The following MORC3 variants were observed in gnomAD, a reference collection of about 807,000 sequenced individuals.
MORC3 encodes the protein MORC family CW-type zinc finger 3.
A neutral mutation model predicts 109.1 loss-of-function variants in MORC3; 31 were observed. That is an observed-to-expected ratio of 0.28 (90% CI 0.21 to 0.38). MORC3 has a LOEUF of 0.38. Ranked by LOEUF, MORC3 falls within the 10% of genes least tolerant of loss-of-function variation. The pLI is 1.00. For synonymous variants in MORC3, 395 were observed against 380.7 expected, an observed-to-expected ratio of 1.04 and a Z score of -0.44; for missense variants, 867 against 1,135.8, an observed-to-expected ratio of 0.76 and a Z score of 3.40.
At chr21:36,350,702 A>G (rs904967665) in intron 9 of MORC3, among the ~76,000 whole-genome samples, 8 of 152,174 alleles carry the variant, frequency 5.3e-5, no homozygotes, top group African/African-American at 1.9e-4. Context: ...ATGAAACATT[A>G]AGCAGATAGC....
chr21:36,372,609 C>A, intron 16 of MORC3, 78 bp downstream of exon 16: 1 of 1,352,188 alleles, frequency 7.4e-7, no homozygotes, highest in Non-Finnish European at 9.8e-7. Flanking sequence ...TAGCACCCAT[C>A]AAATAGATAC....
intron 9 of MORC3, among the ~76,000 whole-genome samples, chr21:36,354,340 T>C (rs1408627896): frequency 1.3e-5 from 2 of 148,718 alleles, no homozygotes; most frequent in Non-Finnish European, 3.0e-5. Flanking sequence ...TTTTTTTTTT[T>C]TGAGATGGAG....
chr21:36,367,367 A>G (rs1010146631), intron 14 of MORC3, among the ~76,000 whole-genome samples: 12 of 152,196 alleles, frequency 7.9e-5, no homozygotes. Flanking sequence ...TCTTAGGTAT[A>G]CGCAGATCGC....
chr21:36,355,886 T>C (rs1264176949), intron 9 of MORC3, among the ~76,000 whole-genome samples: 1 of 152,192 alleles, frequency 6.6e-6, no homozygotes, highest in East Asian at 1.9e-4. Flanking sequence ...TTTATACTTT[T>C]TCTTATATTA....
chr21:36,324,747 GC>G (rs2085230842), intron 1 of MORC3, among the ~76,000 whole-genome samples: 1 of 124,876 alleles, frequency 8.0e-6, no homozygotes, highest in African/African-American at 3.1e-5. Context: ...CACTCTTGTT[GC>G]CCAGGCTGGA....
At chr21:36,328,341 C>G (rs1034238744) in intron 1 of MORC3, among the ~76,000 whole-genome samples, 2 of 145,198 alleles carry the variant, frequency 1.4e-5, no homozygotes, top group Non-Finnish European at 3.0e-5. Flanking sequence ...CCCCCCCCCG[C>G]CTTTTTTTTT....
chr21:36,363,668 G>A (rs1201054702), intron 13 of MORC3, among the ~76,000 whole-genome samples: 1 of 152,184 alleles, frequency 6.6e-6, no homozygotes, highest in African/African-American at 2.4e-5. Flanking sequence ...TGCTGAATGG[G>A]TATTGCTTTT....
intron 9 of MORC3, among the ~76,000 whole-genome samples, chr21:36,353,616 G>C (rs1410025355): frequency 3.3e-5 from 5 of 151,594 alleles, no homozygotes; most frequent in African/African-American, 9.7e-5. Flanking sequence ...GTCTTGCTCT[G>C]TCATCCAGTC....
At chr21:36,355,103 A>G (rs1326736754) in intron 9 of MORC3, among the ~76,000 whole-genome samples, 1 of 152,084 alleles carries the variant, frequency 6.6e-6, no homozygotes, top group African/African-American at 2.4e-5. Flanking sequence ...GACTTTCATG[A>G]TGTTTTCTCT....
At chr21:36,338,689 C>T in intron 4 of MORC3, 85 bp from the exon 5 acceptor site, 2 of 1,198,014 alleles carry the variant, frequency 1.7e-6, no homozygotes. Flanking sequence ...AATAGTTTTT[C>T]TGTTATTTAA....
intron 8 of MORC3, among the ~76,000 whole-genome samples, chr21:36,346,944 A>G (rs1334131083): frequency 6.6e-6 from 1 of 151,528 alleles, no homozygotes; most frequent in Non-Finnish European, 1.5e-5. Context: ...GTTTGAGGCT[A>G]CACTGAGCTA....
At chr21:36,321,815 C>T (rs1005054036) in intron 1 of MORC3, among the ~76,000 whole-genome samples, 2 of 152,076 alleles carry the variant, frequency 1.3e-5, no homozygotes, top group African/African-American at 4.8e-5. Flanking sequence ...TTTCCTGTTT[C>T]TGTCCTTTGA....
intron 9 of MORC3, 76 bp from the exon 10 acceptor site, chr21:36,356,542 CTA>C: frequency 1.1e-6 from 1 of 870,734 alleles, no homozygotes; most frequent in Non-Finnish European, 1.8e-6. Flanking sequence ...TTCACAGTGT[CTA>C]TGTACTCATT....
intron 6 of MORC3, among the ~76,000 whole-genome samples, chr21:36,343,094 T>G (rs1601521763): frequency 7.6e-5 from 1 of 13,232 alleles, no homozygotes; most frequent in Admixed American, 1.1e-3. Context: ...AATATCAAGG[T>G]TTTTTTGTTT....
intron 5 of MORC3, among the ~76,000 whole-genome samples, chr21:36,341,143 A>G (rs149002275): frequency 0.026 from 3,984 of 152,212 alleles, 71 homozygotes; most frequent in Admixed American, 0.047. Flanking sequence ...TAGTACTTGC[A>G]TTTTATTTTC....
chr21:36,364,266 G>A lies in MORC3; in HGVS notation c.1619+7G>A. 6.2e-7 allele frequency: 1 copy of A among 1,611,208 alleles called. No homozygotes were observed. The highest frequency in any genetic ancestry group is 8.5e-7 in the Non-Finnish European group (1 of 1,179,140). ...CTGAACCTGAGAGCAACAGGTCAGT[G>A]GCTAAGATTGGTTTTCCATTTGGGG... On this transcript the variant is annotated splice_region_variant and intron_variant, in intron 14 of 16. Transcript: ENST00000400485.
chr21:36,323,353 A>G (rs992206265), intron 1 of MORC3, among the ~76,000 whole-genome samples: 7 of 152,278 alleles, frequency 4.6e-5, no homozygotes, highest in African/African-American at 2.4e-5. Context: ...AGAGTTTCCA[A>G]TCTGAATGTT....
At chr21:36,347,479 C>T (rs993678362) in intron 8 of MORC3, among the ~76,000 whole-genome samples, 2 of 152,288 alleles carry the variant, frequency 1.3e-5, no homozygotes, top group Middle Eastern at 3.4e-3. Flanking sequence ...TAGGCTGTTA[C>T]AGCTAAATTA....
Position 36,375,514 on chromosome 21 carries a change from A to ACTCT in MORC3, c.*221_*222insTCTC, listed in dbSNP as rs2085920593. On this transcript the variant is annotated 3_prime_UTR_variant, in exon 17 of 17. Transcript: ENST00000400485. ...TGTTGGCATTGAGCAGCTGAAGCTA[A>ACTCT]CTCATGACTCTGTTTTGAATGTAAA... is the stretch of plus-strand genomic sequence containing the variant. The ACTCT allele has an allele frequency of 2.4e-6, 1 of 415,390 alleles. No individual in the cohort carries two copies. The highest frequency in any genetic ancestry group is 4.2e-5 in the Admixed American group (1 of 23,862). 25.7% of individuals were successfully genotyped at this position (415,390 alleles called of 1,614,324 possible).
Sources: allele counts gnomAD v4.1 joint callset (sites outside exome capture counted in the v4.1 genomes callset), GRCh38; gene constraint gnomAD v4.1.1; transcripts MANE v1.5; gene names NCBI Gene and HGNC (gene_info 2026-07-23, HGNC 2026-07-21).